Variants in PCDH15 observed in about 807,000 individuals in gnomAD.
PCDH15 encodes the protein protocadherin related 15, also known as protocadherin-15.
In PCDH15, 129 loss-of-function variants were observed where a neutral mutation model predicts 178.5. That is an observed-to-expected ratio of 0.72 (90% CI 0.63 to 0.84). The LOEUF (loss-of-function observed/expected upper bound fraction) is 0.84. Among genes scored for constraint, PCDH15 ranks in the 40% least tolerant of loss-of-function variants. The pLI is 0.00. For synonymous variants in PCDH15, 800 were observed against 732.0 expected (o/e 1.09, Z -1.50); for missense variants, 2,230 against 2,099.9 (o/e 1.06, Z -1.21).
chr10:55,238,676 T>C lies in PCDH15; in HGVS notation c.-155-72025A>G, dbSNP rs186012237. 7.8e-4 allele frequency among the ~76,000 whole-genome samples: 118 copies of C among 152,212 alleles called. 1 individual carries two copies. The highest frequency in any genetic ancestry group is 1.1e-3 in the Admixed American group (17 of 15,302). ...AGAAAATAATTTATTTTTATTTCCATTTTATTTTTAAGTTCTTGAATCACT... is the reference window on the plus strand; with the variant it reads ...AGAAAATAATTTATTTTTATTTCCACTTTATTTTTAAGTTCTTGAATCACT... On this transcript the variant is annotated intron_variant, in intron 1 of 5. Coordinates refer to the PCDH15 transcript ENST00000458638.
At chr10:54,270,309 T>G (rs2057967588) in intron 8 of PCDH15, among the ~76,000 whole-genome samples, 1 of 152,134 alleles carries the variant, frequency 6.6e-6, no homozygotes, top group Non-Finnish European at 1.5e-5. Flanking sequence ...GCGTTATTAT[T>G]TTATCCACTG....
intron 15 of PCDH15, among the ~76,000 whole-genome samples, chr10:54,110,784 T>G (rs2095006657): frequency 6.6e-6 from 1 of 152,176 alleles, no homozygotes; most frequent in South Asian, 2.1e-4. Flanking sequence ...GAAGATGACA[T>G]TTTTTCCCTT....
chr10:54,245,433 AAAAT>A (rs2055823871), intron 8 of PCDH15, among the ~76,000 whole-genome samples: 1 of 152,142 alleles, frequency 6.6e-6, no homozygotes, highest in Non-Finnish European at 1.5e-5. Context: ...AATAGAGAAA[AAAAT>A]TATGATAGAT....
chr10:55,527,364 G>C (rs1162397201), intron 2 of PCDH15, among the ~76,000 whole-genome samples: 5 of 152,024 alleles, frequency 3.3e-5, no homozygotes, highest in Admixed American at 6.6e-5. Flanking sequence ...GGTCACTGGT[G>C]ATCTTGTAGA....
At chr10:54,045,838 T>G (rs1326031397) in intron 18 of PCDH15, among the ~76,000 whole-genome samples, 1 of 152,054 alleles carries the variant, frequency 6.6e-6, no homozygotes, top group Non-Finnish European at 1.5e-5. Context: ...ATGGATAAAT[T>G]TGATAATCTT....
At position 55,614,781 on chromosome 10, in the gene PCDH15, G is replaced by A. The variant is rs192095692; in HGVS notation, c.-156+12844C>T. ...CTTTGGTTTATTTCTATAGCTTTTTGTCTAATTTTATTAATAACTAGTATA... is the reference window on the plus strand; with the variant it reads ...CTTTGGTTTATTTCTATAGCTTTTTATCTAATTTTATTAATAACTAGTATA... On this transcript the variant is annotated intron_variant, in intron 2 of 5. Transcript: ENST00000613346. Among the ~76,000 whole-genome samples, 98 of 152,116 alleles carry A rather than the reference G, an allele frequency of 6.4e-4. 1 individual carries two copies. The highest frequency in any genetic ancestry group is 2.2e-3 in the African/African-American group (91 of 41,526).
At chr10:54,696,933 A>G (rs1410698737) in intron 1 of PCDH15, among the ~76,000 whole-genome samples, 1 of 152,020 alleles carries the variant, frequency 6.6e-6, no homozygotes, top group Non-Finnish European at 1.5e-5. Context: ...CTGTCATCTT[A>G]TAGGATACAG....
intron 14 of PCDH15, among the ~76,000 whole-genome samples, chr10:54,142,926 T>C (rs763030459): frequency 6.6e-6 from 1 of 152,152 alleles, no homozygotes; most frequent in Non-Finnish European, 1.5e-5. Flanking sequence ...GTTTTATTAT[T>C]TTGGCTAAAT....
rs534615563 is a variant in PCDH15 at position 54,080,461 on chromosome 10, A to G, written c.1998-1037T>C. ...CTAACAAGTATCCACTGTGTAGAAG[A>G]GTTTATCTGAATATAATAACACATT... On this transcript the variant is annotated intron_variant, in intron 16 of 37. Coordinates refer to ENST00000644397, the MANE Select transcript of PCDH15 (RefSeq NM_001384140.1). 1.7e-3 allele frequency among the ~76,000 whole-genome samples: 264 copies of G among 152,278 alleles called. 1 individual carries two copies. The highest frequency in any genetic ancestry group is 3.0e-3 in the Non-Finnish European group (206 of 68,012).
At chr10:55,500,493 C>A (rs1026266500) in intron 2 of PCDH15, among the ~76,000 whole-genome samples, 1 of 151,746 alleles carries the variant, frequency 6.6e-6, no homozygotes, top group Admixed American at 6.6e-5. Context: ...AGCAACATTT[C>A]TCTACCTGTA....
At chr10:53,937,741 T>C (rs1371856065) in intron 25 of PCDH15, among the ~76,000 whole-genome samples, 1 of 152,078 alleles carries the variant, frequency 6.6e-6, no homozygotes, top group Non-Finnish European at 1.5e-5. Context: ...ATACAGAAAA[T>C]TCTGTCCTGC....
chr10:54,126,283 T>C (rs1203415416), intron 15 of PCDH15, among the ~76,000 whole-genome samples: 4 of 151,964 alleles, frequency 2.6e-5, no homozygotes. Flanking sequence ...ATTGGCCAGA[T>C]GGGTCTGAAA....
At chr10:55,054,962 G>T (rs927920889) in intron 2 of PCDH15, among the ~76,000 whole-genome samples, 1 of 152,126 alleles carries the variant, frequency 6.6e-6, no homozygotes, top group Non-Finnish European at 1.5e-5. Context: ...CCATTCTGTA[G>T]GTTGTCTGTT....
chr10:55,334,306 A>G (rs1260982419), intron 2 of PCDH15, among the ~76,000 whole-genome samples: 1 of 124,370 alleles, frequency 8.0e-6, no homozygotes, highest in Non-Finnish European at 1.6e-5. Flanking sequence ...ATCTATATAT[A>G]TATATATATT....
intron 1 of PCDH15, among the ~76,000 whole-genome samples, chr10:54,767,966 T>G (rs1358710671): frequency 1.3e-5 from 2 of 152,120 alleles, no homozygotes; most frequent in Non-Finnish European, 2.9e-5. Flanking sequence ...TAATAACGCA[T>G]CAATATTTAT....
At chr10:54,480,863 G>T (rs79792325) in intron 3 of PCDH15, among the ~76,000 whole-genome samples, 7,844 of 151,902 alleles carry the variant, frequency 0.052, 351 homozygotes, top group African/African-American at 0.12. Context: ...AAAAGTATTT[G>T]CTAAGTATGA....
At chr10:54,462,838 A>T (rs2077282246) in intron 3 of PCDH15, among the ~76,000 whole-genome samples, 1 of 151,100 alleles carries the variant, frequency 6.6e-6, no homozygotes, top group South Asian at 2.1e-4. Context: ...ACTATTTGTT[A>T]ATCTTGATCT....
chr10:55,451,253 C>T (rs2132081039), intron 2 of PCDH15, among the ~76,000 whole-genome samples: 1 of 152,178 alleles, frequency 6.6e-6, no homozygotes, highest in African/African-American at 2.4e-5. Context: ...AATCCCAGCA[C>T]TTTGGGAGGC....
intron 25 of PCDH15, among the ~76,000 whole-genome samples, chr10:53,926,822 T>C (rs536651375): frequency 1.4e-5 from 2 of 147,762 alleles, no homozygotes; most frequent in East Asian, 3.9e-4. Context: ...GTATATCAAT[T>C]AGTCATGTAC....
Sources: gnomAD v4.1 joint callset for allele counts (sites outside exome capture counted in the v4.1 genomes callset) on GRCh38, gnomAD v4.1.1 for gene constraint, MANE v1.5 for transcripts, NCBI Gene and HGNC (gene_info 2026-07-23, HGNC 2026-07-21) for gene names.